The following DIAPH3 variants were observed in gnomAD, a reference collection of about 807,000 sequenced individuals.
DIAPH3 encodes diaphanous related formin 3, also known as protein diaphanous homolog 3.
A neutral mutation model predicts 144.3 loss-of-function variants in DIAPH3; 117 were observed. The ratio of observed to expected loss-of-function variants is 0.81; its 90% confidence interval spans 0.70 to 0.95. DIAPH3 has a LOEUF of 0.95. Ranked by LOEUF, DIAPH3 falls within the 40% of genes least tolerant of loss-of-function variation. DIAPH3 has a pLI of 0.00. For missense variants in DIAPH3, 1,421 were observed against 1,412.7 expected, an observed-to-expected ratio of 1.01 and a Z score of -0.09; for synonymous variants, 519 against 488.9, an observed-to-expected ratio of 1.06 and a Z score of -0.81.
intron 27 of DIAPH3, among the ~76,000 whole-genome samples, chr13:59,759,603 G>C (rs9570204): frequency 6.6e-6 from 1 of 152,262 alleles, no homozygotes; most frequent in East Asian, 1.9e-4. Flanking sequence ...TAGGTTAACA[G>C]AATGAAGAGT....
At chr13:59,726,516 C>T (rs1012552777) in intron 27 of DIAPH3, among the ~76,000 whole-genome samples, 2 of 152,146 alleles carry the variant, frequency 1.3e-5, no homozygotes, top group Admixed American at 6.6e-5. Flanking sequence ...ACCTCAGGAC[C>T]TTATTTTCAT....
intron 17 of DIAPH3, among the ~76,000 whole-genome samples, chr13:59,961,349 T>C (rs986058822): frequency 6.6e-6 from 1 of 152,200 alleles, no homozygotes; most frequent in East Asian, 1.9e-4. Context: ...CCCCATTTTA[T>C]AGAGGAAAGA....
At chr13:59,770,458 T>C (rs2038066904) in intron 27 of DIAPH3, among the ~76,000 whole-genome samples, 1 of 152,110 alleles carries the variant, frequency 6.6e-6, no homozygotes, top group Admixed American at 6.6e-5. Flanking sequence ...TGACAGACAC[T>C]GAATAAAAAC....
chr13:59,850,614 G>A (rs1208798941), intron 22 of DIAPH3, among the ~76,000 whole-genome samples: 1 of 151,084 alleles, frequency 6.6e-6, no homozygotes, highest in African/African-American at 2.4e-5. Flanking sequence ...TTATATGCTG[G>A]ATTACATTTA....
At chr13:59,694,097 GATATT>G (rs1010593785) in intron 27 of DIAPH3, among the ~76,000 whole-genome samples, 6 of 152,074 alleles carry the variant, frequency 3.9e-5, no homozygotes, top group Admixed American at 3.3e-4. Flanking sequence ...AGATATGAAA[GATATT>G]ATATATTTTT....
chr13:59,916,619 G>GGTTTTAAATA (rs1331894539), intron 18 of DIAPH3, among the ~76,000 whole-genome samples: 1 of 152,110 alleles, frequency 6.6e-6, no homozygotes, highest in African/African-American at 2.4e-5. Flanking sequence ...ACCACAGTAT[G>GGTTTTAAATA]TGCATGTAAT....
intron 24 of DIAPH3, among the ~76,000 whole-genome samples, chr13:59,816,170 G>A (rs1566354701): frequency 2.6e-5 from 4 of 151,924 alleles, no homozygotes; most frequent in African/African-American, 2.4e-5. Context: ...ATTTGGACAG[G>A]AAGAATTTAT....
intron 27 of DIAPH3, among the ~76,000 whole-genome samples, chr13:59,699,716 G>C (rs754156807): frequency 6.6e-5 from 10 of 152,166 alleles, no homozygotes; most frequent in Non-Finnish European, 1.3e-4. Flanking sequence ...CCTATGGACT[G>C]TTGGAGCTAA....
At position 59,918,404 on chromosome 13, in the gene DIAPH3, T is replaced by C. The variant is rs150362153; in HGVS notation, c.2171-2155A>G. Reference sequence around the variant, plus strand: ...TACCAGACAGGAATCTAACGGTCCTTTGAGAAAAGACTCGAGTTCTGGCCT... The same window carrying C: ...TACCAGACAGGAATCTAACGGTCCTCTGAGAAAAGACTCGAGTTCTGGCCT... On this transcript the variant is annotated intron_variant, in intron 18 of 27. Transcript: ENST00000400324. 3.5e-3 allele frequency among the ~76,000 whole-genome samples: 532 copies of C among 152,250 alleles called. 3 individuals are homozygous for C. The highest frequency in any genetic ancestry group is 0.012 in the African/African-American group (507 of 41,540).
chr13:59,961,586 A>G (rs2049763688), intron 17 of DIAPH3, among the ~76,000 whole-genome samples: 1 of 152,218 alleles, frequency 6.6e-6, no homozygotes, highest in South Asian at 2.1e-4. Context: ...GGGCAGTGGT[A>G]AGGTGGCAGA....
At chr13:59,844,331 C>T (rs1285640927) in intron 22 of DIAPH3, among the ~76,000 whole-genome samples, 4 of 151,612 alleles carry the variant, frequency 2.6e-5, no homozygotes, top group African/African-American at 4.8e-5. Context: ...GGGGAAACCC[C>T]GTCTCTACTA....
At chr13:59,930,400 C>G (rs914974937) in intron 17 of DIAPH3, among the ~76,000 whole-genome samples, 9 of 152,128 alleles carry the variant, frequency 5.9e-5, no homozygotes, top group African/African-American at 2.2e-4. Context: ...AGCACCCTAA[C>G]TATGCTTGTC....
chr13:59,686,017 C>G (rs991959210), intron 27 of DIAPH3, among the ~76,000 whole-genome samples: 1 of 152,108 alleles, frequency 6.6e-6, no homozygotes, highest in Non-Finnish European at 1.5e-5. Flanking sequence ...AAATGTGCCA[C>G]TGCATGTGAC....
intron 4 of DIAPH3, 26 bp from the exon 5 acceptor site, chr13:60,042,846 T>A: frequency 6.2e-7 from 1 of 1,610,938 alleles, no homozygotes; most frequent in South Asian, 1.1e-5. Flanking sequence ...AAAAATGTTT[T>A]GATTAATACT....
intron 27 of DIAPH3, among the ~76,000 whole-genome samples, chr13:59,706,270 G>A (rs1486283522): frequency 6.6e-6 from 1 of 152,138 alleles, no homozygotes; most frequent in Non-Finnish European, 1.5e-5. Context: ...ATCTGTGGTT[G>A]GTTGCGGCCA....
At position 59,912,823 on chromosome 13, in the gene DIAPH3, T is replaced by C. The variant is rs78945189; in HGVS notation, c.2266-987A>G. 5.1e-3 allele frequency among the ~76,000 whole-genome samples: 783 copies of C among 152,240 alleles called. 7 individuals carry two copies. Among genetic ancestry groups the C allele is most frequent in the African/African-American group, 0.018 (737 of 41,550 alleles). On this transcript the variant is annotated intron_variant, in intron 19 of 27. Transcript: ENST00000400324. ...CCCCAAAGGTGTTATTAGTTAAAAA[T>C]ACTGTTAGAGAATGTTATACATCAA... is the stretch of plus-strand genomic sequence containing the variant.
Position 60,031,732 on chromosome 13 carries a change from C to CTTTTTTTTTT in DIAPH3, c.626+10948_626+10957dup, listed in dbSNP as rs1165739891. ...AAACCCAGTAGGGCAGTCATTAAAT[C>CTTTTTTTTTT]TTTTTTTTTTTTTTTTTTTTTTTTT... On this transcript the variant is annotated intron_variant, in intron 5 of 27. Coordinates refer to ENST00000400324, the MANE Select transcript of DIAPH3 (RefSeq NM_001042517.2). Among the ~76,000 whole-genome samples, 20 of 64,680 alleles carry CTTTTTTTTTT rather than the reference C, an allele frequency of 3.1e-4. 3 individuals are homozygous for CTTTTTTTTTT. Among genetic ancestry groups the CTTTTTTTTTT allele is most frequent in the African/African-American group, 6.6e-4 (10 of 15,162 alleles). 42.4% of individuals were successfully genotyped at this position (64,680 alleles called of 152,430 possible).
chr13:59,881,922 G>T (rs1278806447), intron 20 of DIAPH3, among the ~76,000 whole-genome samples: 1 of 152,054 alleles, frequency 6.6e-6, no homozygotes, highest in Non-Finnish European at 1.5e-5. Context: ...TATTGAGTGG[G>T]AAAAGAACTT....
chr13:59,826,413 A>G (rs1186972826), intron 24 of DIAPH3, among the ~76,000 whole-genome samples: 5 of 149,896 alleles, frequency 3.3e-5, no homozygotes, highest in Non-Finnish European at 5.9e-5. Context: ...CCAAATCATG[A>G]GTGAACTCCC....
Sources: gnomAD v4.1 joint callset for allele counts (sites outside exome capture counted in the v4.1 genomes callset) on GRCh38, gnomAD v4.1.1 for gene constraint, MANE v1.5 for transcripts, NCBI Gene and HGNC (gene_info 2026-07-23, HGNC 2026-07-21) for gene names.